Variants in PCDHGA3 observed in about 807,000 individuals in gnomAD.
PCDHGA3 encodes protocadherin gamma subfamily A, 3.
In PCDHGA3, 40 loss-of-function variants were observed where a neutral mutation model predicts 58.5. That is an observed-to-expected ratio of 0.68 (90% CI 0.53 to 0.89). The LOEUF is 0.89. Ranked by LOEUF, PCDHGA3 falls within the 40% of genes least tolerant of loss-of-function variation. The pLI is 0.00. For synonymous variants in PCDHGA3, 530 were observed against 525.7 expected, an observed-to-expected ratio of 1.01 and a Z score of -0.11; for missense variants, 1,223 against 1,195.9, an observed-to-expected ratio of 1.02 and a Z score of -0.33.
At chr5:141,419,094 G>C in intron 1 of PCDHGA3, 2 of 1,613,894 alleles carry the variant, frequency 1.2e-6, no homozygotes, top group Non-Finnish European at 1.7e-6. Context: ...GCCCTGGATC[G>C]GGAGCAGACC....
Position 141,345,323 on chromosome 5 carries a change from G to C in PCDHGA3, c.1290G>C (p.Pro430=), listed in dbSNP as rs769057975. The C allele has an allele frequency of 1.9e-6, 3 of 1,613,902 alleles. No individual in the cohort carries two copies. Among genetic ancestry groups the C allele is most frequent in the East Asian group, 2.2e-5 (1 of 44,878 alleles). ...TGAGAGCCTCAGATGGGGGAAGCCC[G>C]CCACTGTCCACAGAAACTCACATCA... ...ISLRASDGGS[P]PLSTETHITL... Residue 430 remains proline, a synonymous_variant, in exon 1 of 4, where the codon CCG becomes CCC. Coordinates refer to ENST00000253812, the MANE Select transcript of PCDHGA3 (RefSeq NM_018916.4).
Position 141,395,542 on chromosome 5 carries a change from TTGTGTGTGTGTG to T in PCDHGA3, c.2424+49123_2424+49134del, listed in dbSNP as rs55729045. ...TCCATACTGGTAATTTTGCTATTGT[TTGTGTGTGTGTG>T]TGTGTGTGTGTGTGTGTGTGTGTGT... is the stretch of plus-strand genomic sequence containing the variant. On this transcript the variant is annotated intron_variant, in intron 1 of 3. Coordinates refer to ENST00000253812, the MANE Select transcript of PCDHGA3 (RefSeq NM_018916.4). 188 of 172,586 alleles carry T rather than the reference TTGTGTGTGTGTG, an allele frequency of 1.1e-3. 1 individual carries two copies. Among genetic ancestry groups the T allele is most frequent in the African/African-American group, 5.0e-3 (88 of 17,544 alleles). 10.7% of individuals were successfully genotyped at this position (172,586 alleles called of 1,614,324 possible).
At chr5:141,468,652 G>A (rs1206892693) in intron 1 of PCDHGA3, 2 of 149,062 alleles carry the variant, frequency 1.3e-5, no homozygotes, top group African/African-American at 2.5e-5. Context: ...GGATCACAAG[G>A]TCAGGAGATC....
intron 1 of PCDHGA3, chr5:141,419,816 C>T (rs910172118): frequency 1.2e-6 from 2 of 1,614,058 alleles, no homozygotes; most frequent in Non-Finnish European, 8.5e-7. Context: ...AGGACAGCCA[C>T]CCCTTTCAGC....
chr5:141,393,984 C>G (rs1176875822), intron 1 of PCDHGA3: 1 of 1,613,570 alleles, frequency 6.2e-7, no homozygotes, highest in South Asian at 1.1e-5. Flanking sequence ...TGATAATTTA[C>G]CTTTTAAATT....
rs764843194 is a variant in PCDHGA3 at position 141,490,530 on chromosome 5, T to A, written c.2425-4277T>A. 1.2e-6 allele frequency: 2 copies of A among 1,613,794 alleles called. No individual in the cohort carries two copies. Among genetic ancestry groups the A allele is most frequent in the African/African-American group, 2.7e-5 (2 of 74,846 alleles). ...TCGAGCTGCTGGCCAGCGATGCTGG[T>A]TCACCTTCCCTACACAAACATCTCA... On this transcript the variant is annotated intron_variant, in intron 1 of 3. Coordinates refer to ENST00000253812, the MANE Select transcript of PCDHGA3 (RefSeq NM_018916.4). This position sits in a 1 kb window ranked among gnomAD's most constrained non-coding sequence, Gnocchi z 5.4.
chr5:141,344,721 G>T lies in PCDHGA3; in HGVS notation c.688G>T (p.Val230Leu), dbSNP rs1490902754. 1 of 1,613,872 alleles carries T rather than the reference G, an allele frequency of 6.2e-7. No individual in the cohort carries two copies. The highest frequency in any genetic ancestry group is 1.3e-5 in the African/African-American group (1 of 74,902). ...PVHSGNLHIQ[V>L]IVLDANDNPP... ...CCACTCTGGCAACTTGCACATCCAA[G>T]TGATAGTCCTGGATGCAAATGACAA... The change falls in exon 1 of 4, where the codon GTG becomes TTG. Residue 230 changes from valine (V) to leucine (L), a missense_variant. Coordinates refer to ENST00000253812, the MANE Select transcript of PCDHGA3 (RefSeq NM_018916.4).
At position 141,486,094 on chromosome 5, in the gene PCDHGA3, C is replaced by G. The variant is rs749887136; in HGVS notation, c.2425-8713C>G. 2 of 1,614,112 alleles carry G rather than the reference C, an allele frequency of 1.2e-6. No homozygotes were observed. Among genetic ancestry groups the G allele is most frequent in the Admixed American group, 3.3e-5 (2 of 60,018 alleles). ...CTGGAAAGCTTACTCTTTTGGGGCCCCTAGACTTTGAGAGTGAGAATTACT... is the reference window on the plus strand; with the variant it reads ...CTGGAAAGCTTACTCTTTTGGGGCCGCTAGACTTTGAGAGTGAGAATTACT... On this transcript the variant is annotated intron_variant, in intron 1 of 3. Coordinates refer to ENST00000253812, the MANE Select transcript of PCDHGA3 (RefSeq NM_018916.4). The surrounding 1 kb of genome is among the most constrained non-coding windows in gnomAD (Gnocchi z 5.0).
rs762979829 is a variant in PCDHGA3, at chr5:141,432,863, T to A, written c.2425-61944T>A. 1 of 1,614,074 alleles carries A rather than the reference T, an allele frequency of 6.2e-7. No individual in the cohort carries two copies. Among genetic ancestry groups the A allele is most frequent in the East Asian group, 2.2e-5 (1 of 44,886 alleles). On this transcript the variant is annotated intron_variant, in intron 1 of 3. Coordinates refer to ENST00000253812, the MANE Select transcript of PCDHGA3 (RefSeq NM_018916.4). The surrounding 1 kb of genome is among the most constrained non-coding windows in gnomAD (Gnocchi z 6.0). ...GGTGGTAGCGGTGGCCGCGGTCTCCTGCGTCTTCCTGGCCTTCGTCATCTT... is the reference window on the plus strand; with the variant it reads ...GGTGGTAGCGGTGGCCGCGGTCTCCAGCGTCTTCCTGGCCTTCGTCATCTT...
At chr5:141,371,674 A>G (rs1767933506) in intron 1 of PCDHGA3, 2 of 1,613,896 alleles carry the variant, frequency 1.2e-6, no homozygotes, top group African/African-American at 2.7e-5. Context: ...GCTACCGACA[A>G]AGGCAATCCA....
At chr5:141,433,828 ACT>A (rs1431945413) in intron 1 of PCDHGA3, among the ~76,000 whole-genome samples, 2 of 142,254 alleles carry the variant, frequency 1.4e-5, no homozygotes, top group Admixed American at 7.0e-5. Flanking sequence ...CAAGAGTGAA[ACT>A]CTATCTCAAA....
chr5:141,346,496 T>C, intron 1 of PCDHGA3, 39 bp downstream of exon 1: 1 of 1,611,764 alleles, frequency 6.2e-7, no homozygotes, highest in Non-Finnish European at 8.5e-7. Flanking sequence ...AGAACAAATA[T>C]GAGAATGTGG....
chr5:141,431,473 C>T lies in PCDHGA3; in HGVS notation c.2425-63334C>T, dbSNP rs750300971. ...TGATGGTTCTGGATGCGAACGACAA[C>T]GCACCAGCGTTTGCTCAGCCCGAGT... On this transcript the variant is annotated intron_variant, in intron 1 of 3. Coordinates refer to ENST00000253812, the MANE Select transcript of PCDHGA3 (RefSeq NM_018916.4). This position sits in a 1 kb window ranked among gnomAD's most constrained non-coding sequence, Gnocchi z 4.8. 4.3e-6 allele frequency: 7 copies of T among 1,613,832 alleles called. No individual in the cohort carries two copies. The Admixed American group carries it at 1.2e-4, about 27-fold the overall frequency.
intron 1 of PCDHGA3, among the ~76,000 whole-genome samples, chr5:141,436,389 TTAAA>T (rs1385837876): frequency 6.6e-6 from 1 of 152,212 alleles, no homozygotes; most frequent in Non-Finnish European, 1.5e-5. Context: ...ATAGGCTTTA[TTAAA>T]TAGTTGTTGA....
intron 1 of PCDHGA3, chr5:141,478,355 G>A: frequency 6.2e-7 from 1 of 1,613,742 alleles, no homozygotes; most frequent in Non-Finnish European, 8.5e-7. Context: ...CGCGGACGCC[G>A]TGCGGGGAGG....
intron 1 of PCDHGA3, among the ~76,000 whole-genome samples, chr5:141,387,384 A>G (rs897106394): frequency 6.6e-6 from 1 of 152,208 alleles, no homozygotes; most frequent in Non-Finnish European, 1.5e-5. Flanking sequence ...CTTTATATAG[A>G]TAGTGCATGT....
chr5:141,418,748 A>G, intron 1 of PCDHGA3: 7 of 1,613,954 alleles, frequency 4.3e-6, no homozygotes, highest in East Asian at 2.2e-5. Context: ...TCTGGATTAC[A>G]CTACAGGAAA....
chr5:141,420,050 C>A, intron 1 of PCDHGA3: 1 of 1,614,076 alleles, frequency 6.2e-7, no homozygotes. Context: ...TGAGTCAGTT[C>A]TCTGCTCCAA....
chr5:141,374,117 G>A (rs750762308), intron 1 of PCDHGA3: 9 of 1,587,566 alleles, frequency 5.7e-6, no homozygotes, highest in Non-Finnish European at 7.7e-6. Context: ...GCAGCGCAGC[G>A]AGCAGGTCCT....
Sources: allele counts gnomAD v4.1 joint callset (sites outside exome capture counted in the v4.1 genomes callset), GRCh38; gene constraint gnomAD v4.1.1; non-coding constraint Gnocchi (gnomAD v3.1); transcripts MANE v1.5; gene names NCBI Gene and HGNC (gene_info 2026-07-23, HGNC 2026-07-21).